The following SDAD1 variants were observed in gnomAD, a reference collection of about 807,000 sequenced individuals.
SDAD1 encodes the protein SDA1 domain containing 1, also known as protein SDA1 homolog.
A neutral mutation model predicts 100.3 loss-of-function variants in SDAD1; 79 were observed. The observed-to-expected ratio is 0.79, with a 90% CI of 0.66 to 0.95. The LOEUF (loss-of-function observed/expected upper bound fraction) is 0.95. Ranked by LOEUF, SDAD1 falls within the 40% of genes least tolerant of loss-of-function variation. SDAD1 has a pLI of 0.00. For synonymous variants in SDAD1, 267 were observed against 271.4 expected (o/e 0.98, Z 0.16); for missense variants, 790 against 810.9 (o/e 0.97, Z 0.31).
At chr4:75,974,970 A>T (rs576913302) in intron 6 of SDAD1, among the ~76,000 whole-genome samples, 3 of 152,096 alleles carry the variant, frequency 2.0e-5, no homozygotes, top group African/African-American at 7.2e-5. Flanking sequence ...GGAACCCAGG[A>T]GACAGAGGTT....
intron 17 of SDAD1, among the ~76,000 whole-genome samples, chr4:75,959,629 TAATG>T (rs1201352977): frequency 1.3e-5 from 2 of 151,588 alleles, no homozygotes; most frequent in Non-Finnish European, 2.9e-5. Flanking sequence ...ATTTGCTGAA[TAATG>T]AATGAATGGA....
intron 16 of SDAD1, among the ~76,000 whole-genome samples, chr4:75,960,640 C>T (rs1050748106): frequency 9.2e-5 from 14 of 152,082 alleles, no homozygotes; most frequent in Admixed American, 5.9e-4. Context: ...TCTTGAAAAA[C>T]GTCATCTCTC....
Position 75,950,052 on chromosome 4 carries a change from A to T in SDAD1, c.*698T>A, listed in dbSNP as rs1436323867. ...AATATATTCCAAAGGTACTATTTATACTTAAGGCAGTTTTAAAAGTGAGGT... is the reference window on the plus strand; with the variant it reads ...AATATATTCCAAAGGTACTATTTATTCTTAAGGCAGTTTTAAAAGTGAGGT... On this transcript the variant is annotated 3_prime_UTR_variant, in exon 22 of 22. Transcript: ENST00000356260. 6.7e-6 allele frequency: 1 copy of T among 148,952 alleles called. No individual in the cohort carries two copies. Among genetic ancestry groups the T allele is most frequent in the African/African-American group, 2.5e-5 (1 of 40,436 alleles). 9.2% of individuals were successfully genotyped at this position (148,952 alleles called of 1,614,324 possible).
At position 75,973,300 on chromosome 4, in the gene SDAD1, G is replaced by T; in HGVS notation, c.711+17C>A. On this transcript the variant is annotated intron_variant, in intron 8 of 21. Coordinates refer to ENST00000356260, the MANE Select transcript of SDAD1 (RefSeq NM_018115.4). ...TAATAAAAGGTAAGATTCAGAAGCA[G>T]CTATGATTAAACTAACCTCAGATTC... The T allele has an allele frequency of 6.3e-7, 1 of 1,592,260 alleles. No individual in the cohort carries two copies. The highest frequency in any genetic ancestry group is 8.6e-7 in the Non-Finnish European group (1 of 1,160,304).
intron 21 of SDAD1, among the ~76,000 whole-genome samples, chr4:75,955,112 C>T (rs566775479): frequency 6.6e-6 from 1 of 152,262 alleles, no homozygotes; most frequent in East Asian, 1.9e-4. Flanking sequence ...TGTTTTAAGG[C>T]TCTGTTAGAA....
intron 3 of SDAD1, among the ~76,000 whole-genome samples, chr4:75,980,460 T>C (rs1024535433): frequency 6.6e-6 from 1 of 152,256 alleles, no homozygotes; most frequent in Non-Finnish European, 1.5e-5. Flanking sequence ...TTTGCGTACT[T>C]ATCTGCTGTA....
rs186394386 is a variant in SDAD1, at chr4:75,978,969, A to C, written c.295-1213T>G. 5.2e-4 allele frequency among the ~76,000 whole-genome samples: 66 copies of C among 126,920 alleles called. 2 individuals carry two copies. Among genetic ancestry groups the C allele is most frequent in the East Asian group, 4.8e-4 (2 of 4,128 alleles). The allele number at this position is 126,920 out of a possible 152,430, so 83.3% of individuals were successfully genotyped here. On this transcript the variant is annotated intron_variant, in intron 3 of 21. Coordinates refer to ENST00000356260, the MANE Select transcript of SDAD1 (RefSeq NM_018115.4). ...ACTCCAGCCTGGGCAGCTGAGTGAC[A>C]GACCCTGTCTCAGAAAAAAAAAAAA...
intron 17 of SDAD1, among the ~76,000 whole-genome samples, chr4:75,958,968 G>A (rs571682015): frequency 2.0e-4 from 30 of 151,320 alleles, no homozygotes; most frequent in Non-Finnish European, 3.8e-4. Context: ...TGTGGTGGCG[G>A]GCGCCTGTAG....
intron 3 of SDAD1, among the ~76,000 whole-genome samples, chr4:75,978,235 C>A (rs1180450443): frequency 4.0e-5 from 4 of 100,646 alleles, no homozygotes; most frequent in African/African-American, 1.6e-4. Context: ...CTGCCCCCCG[C>A]CTTTTTTTTT....
intron 14 of SDAD1, 27 bp from the exon 15 acceptor site, chr4:75,961,335 AG>A (rs763884510): frequency 1.3e-6 from 2 of 1,550,588 alleles, no homozygotes; most frequent in South Asian, 2.3e-5. Flanking sequence ...AAAGTTTAAA[AG>A]AGCCCGAATA....
intron 4 of SDAD1, among the ~76,000 whole-genome samples, chr4:75,976,589 C>T (rs1261255334): frequency 3.3e-5 from 5 of 152,138 alleles, no homozygotes; most frequent in Admixed American, 3.3e-4. Flanking sequence ...GGATTAACTA[C>T]TAATTGGAAT....
At chr4:75,990,721 G>C in intron 1 of SDAD1, 31 bp downstream of exon 1, 1 of 1,613,092 alleles carries the variant, frequency 6.2e-7, no homozygotes, top group African/African-American at 1.3e-5. Flanking sequence ...CCACTATCCG[G>C]CCTCTAGCGT....
chr4:75,986,187 T>C (rs1024370644), intron 1 of SDAD1, among the ~76,000 whole-genome samples: 1 of 152,146 alleles, frequency 6.6e-6, no homozygotes, highest in African/African-American at 2.4e-5. Flanking sequence ...GGTGCTATCA[T>C]GGCTCACTGC....
At position 75,961,428 on chromosome 4, in the gene SDAD1, T is replaced by C. The variant is rs73825587; in HGVS notation, c.1182-120A>G. ...AAAACACGTTGAGTTTTATATAGCT[T>C]AGGTCTCCAAAACTGCAGCATGTTA... On this transcript the variant is annotated intron_variant, in intron 14 of 21. Coordinates refer to ENST00000356260, the MANE Select transcript of SDAD1 (RefSeq NM_018115.4). 1.7e-3 allele frequency: 1,152 copies of C among 697,322 alleles called. 9 individuals are homozygous for C. In the African/African-American group the frequency reaches 0.019, roughly 11 times the overall value. The allele number at this position is 697,322 out of a possible 1,614,324, so 43.2% of individuals were successfully genotyped here. A position where few individuals can be genotyped will look rare whatever the true frequency, so the allele number is the denominator to read the frequency against.
rs552815588 is a variant in SDAD1, at chr4:75,974,270, T to C, written c.579-137A>G. 2.6e-4 allele frequency: 182 copies of C among 697,790 alleles called. 1 individual carries two copies. In the South Asian group the frequency reaches 2.8e-3, roughly 11 times the overall value. 43.2% of individuals were successfully genotyped at this position (697,790 alleles called of 1,614,324 possible). On this transcript the variant is annotated intron_variant, in intron 6 of 21. Transcript: ENST00000356260. Reference sequence around the variant, plus strand: ...TCCCAGTTGTAATATTTTAAAAAGATACGAGTTGCTAAATTACTTAACCAC... The same window carrying C: ...TCCCAGTTGTAATATTTTAAAAAGACACGAGTTGCTAAATTACTTAACCAC...
chr4:75,978,982 GAAAAAAA>G (rs538009004), intron 3 of SDAD1, among the ~76,000 whole-genome samples: 1,048 of 38,080 alleles, frequency 0.028, 11 homozygotes, highest in African/African-American at 0.049. Context: ...CCCTGTCTCA[GAAAAAAA>G]AAAAAAAAAA....
chr4:75,954,955 G>T (rs1316613374), intron 21 of SDAD1, among the ~76,000 whole-genome samples: 2 of 152,130 alleles, frequency 1.3e-5, no homozygotes, highest in Admixed American at 6.5e-5. Context: ...TCAAGAGTAA[G>T]GCATACTACC....
At chr4:75,973,200 A>G (rs1729963376) in intron 8 of SDAD1, 117 bp downstream of exon 8, 1 of 754,272 alleles carries the variant, frequency 1.3e-6, no homozygotes, top group African/African-American at 1.7e-5. Context: ...AGAATTCAAT[A>G]ACAGGGCAAA....
intron 18 of SDAD1, 63 bp from the exon 19 acceptor site, chr4:75,957,771 G>A (rs1039497910): frequency 9.3e-6 from 15 of 1,611,682 alleles, no homozygotes; most frequent in African/African-American, 1.3e-5. Flanking sequence ...CATTTAAATT[G>A]TAGCCTCCCA....
Sources: allele counts gnomAD v4.1 joint callset (sites outside exome capture counted in the v4.1 genomes callset), GRCh38; gene constraint gnomAD v4.1.1; transcripts MANE v1.5; gene names NCBI Gene and HGNC (gene_info 2026-07-23, HGNC 2026-07-21).